Variants in AVP observed in about 807,000 individuals in gnomAD.
The protein encoded by AVP is arginine vasopressin.
A neutral mutation model predicts 11.1 loss-of-function variants in AVP; 9 were observed. That is an observed-to-expected ratio of 0.81 (90% CI 0.49 to 1.42). The LOEUF (loss-of-function observed/expected upper bound fraction) is 1.42. AVP is among the 40% of genes most tolerant of loss of function. AVP has a pLI of 0.00. For synonymous variants in AVP, 106 were observed against 111.3 expected (o/e 0.95, Z 0.30); for missense variants, 206 against 238.5 (o/e 0.86, Z 0.90).
chr20:3,083,253 G>A lies in AVP; in HGVS notation c.121-75C>T. On this transcript the variant is annotated intron_variant, in intron 1 of 2. Coordinates refer to ENST00000380293, the MANE Select transcript of AVP (RefSeq NM_000490.5). The surrounding 1 kb of genome is among the most constrained non-coding windows in gnomAD (Gnocchi z 5.4). ...GGTTGGAGGGGAACGCAGCGAGGCG[G>A]GGATGCTGGGGTCCAGGGCTCGGAG... 1.5e-6 allele frequency: 2 copies of A among 1,340,642 alleles called. No homozygotes were observed. The highest frequency in any genetic ancestry group is 3.4e-5 in the South Asian group (2 of 59,096). 83.0% of individuals were successfully genotyped at this position (1,340,642 alleles called of 1,614,324 possible).
In AVP at chr20:3,083,751, C is replaced by G. The variant is rs112625463; in HGVS notation, c.121-573G>C. Reference sequence around the variant, plus strand: ...CACCTATGACCTATCAGGTGGGTGGCAGGGGCCTGAGACCTAGAGGCGAGC... The same window carrying G: ...CACCTATGACCTATCAGGTGGGTGGGAGGGGCCTGAGACCTAGAGGCGAGC... On this transcript the variant is annotated intron_variant, in intron 1 of 2. Coordinates refer to ENST00000380293, the MANE Select transcript of AVP (RefSeq NM_000490.5). The surrounding 1 kb of genome is among the most constrained non-coding windows in gnomAD (Gnocchi z 5.4). Among the ~76,000 whole-genome samples the G allele has an allele frequency of 0.071, 10,861 of 152,216 alleles. 1,351 individuals are homozygous for G. Among genetic ancestry groups the G allele is most frequent in the African/African-American group, 0.25 (10,281 of 41,476 alleles).
In AVP at chr20:3,083,493, G is replaced by A. The variant is rs1347161723; in HGVS notation, c.121-315C>T. The stretch of plus-strand genomic sequence containing the variant: ...TTCCTCGAGCCTCGGGGTCATCGCT[G>A]GTGGGCGCCACTGTTGCAGCTGCCC... On this transcript the variant is annotated intron_variant, in intron 1 of 2. Coordinates refer to ENST00000380293, the MANE Select transcript of AVP (RefSeq NM_000490.5). The surrounding 1 kb of genome is among the most constrained non-coding windows in gnomAD (Gnocchi z 5.4). 1.3e-5 allele frequency among the ~76,000 whole-genome samples: 2 copies of A among 152,130 alleles called. No individual in the cohort carries two copies. The highest frequency in any genetic ancestry group is 4.8e-5 in the African/African-American group (2 of 41,422).
Position 3,082,784 on chromosome 20 carries a change from G to T in AVP, c.341C>A (p.Pro114His), listed in dbSNP as rs1166083500. 4 of 1,255,580 alleles carry T rather than the reference G, an allele frequency of 3.2e-6. No individual in the cohort carries two copies. The allele number at this position is 1,255,580 out of a possible 1,614,324, so 77.8% of individuals were successfully genotyped here. Residue 114 changes from proline (P) to histidine (H), a missense_variant, in exon 3 of 3, where the codon CCC (proline) becomes CAC (histidine). By Grantham distance (77) the Pro-to-His change is moderately conservative. This residue lies in a region of AVP where 106 missense variants were observed against 89.2 expected (regional missense o/e 1.19). Coordinates refer to ENST00000380293, the MANE Select transcript of AVP (RefSeq NM_000490.5). This position sits in a 1 kb window ranked among gnomAD's most constrained non-coding sequence, Gnocchi z 4.7. ...GCGGTGAAAGCCCTCGCGGCACTCG[G>T]GCTCGGTCACGCAGCTCTCTGCCGG... ...CCNDESCVTEPECREGFHRRA... is the reference protein window; with the variant it reads ...CCNDESCVTEHECREGFHRRA...
At position 3,083,884 on chromosome 20, in the gene AVP, C is replaced by CTCAACA. The variant is rs2066124503; in HGVS notation, c.120+670_120+671insTGTTGA. On this transcript the variant is annotated intron_variant, in intron 1 of 2. Transcript: ENST00000380293. The surrounding 1 kb of genome is among the most constrained non-coding windows in gnomAD (Gnocchi z 5.4). Reference sequence around the variant, plus strand: ...ATCTGCTCAACAGCCGGTTCTCTGGCGCAATGGATAGCGCATTAGACTTTT... The same window carrying CTCAACA: ...ATCTGCTCAACAGCCGGTTCTCTGGCTCAACAGCAATGGATAGCGCATTAGACTTTT... 6.6e-6 allele frequency among the ~76,000 whole-genome samples: 1 copy of CTCAACA among 152,222 alleles called. No individual in the cohort carries two copies. The highest frequency in any genetic ancestry group is 2.4e-5 in the African/African-American group (1 of 41,460).
In AVP at chr20:3,084,585, C is replaced by G; in HGVS notation, c.90G>C (p.Lys30Asn). ...CYFQNCPRGGKRAMSDLELRQ... is the reference protein window; with the variant it reads ...CYFQNCPRGGNRAMSDLELRQ... ...TCAGCTCCAGGTCGGACATGGCCCT[C>G]TTGCCGCCCCTCGGGCAGTTCTGGA... The change falls in exon 1 of 3, where the codon AAG becomes AAC. Residue 30 changes from lysine to asparagine, a missense_variant. This residue lies in a region of AVP where 100 missense variants were observed against 149.3 expected (regional missense o/e 0.67). Transcript: ENST00000380293. The G allele has an allele frequency of 6.2e-7, 1 of 1,613,998 alleles. No individual in the cohort carries two copies. Among genetic ancestry groups the G allele is most frequent in the Non-Finnish European group, 8.5e-7 (1 of 1,180,044 alleles).
At position 3,083,639 on chromosome 20, in the gene AVP, C is replaced by T. The variant is rs902740106; in HGVS notation, c.121-461G>A. Reference sequence around the variant, plus strand: ...GCCCTACCCATCCAGAACCCCGGCCCTTCCCATTTCCTGTCTCCTCTCTTG... The same window carrying T: ...GCCCTACCCATCCAGAACCCCGGCCTTTCCCATTTCCTGTCTCCTCTCTTG... On this transcript the variant is annotated intron_variant, in intron 1 of 2. Transcript: ENST00000380293. This position sits in a 1 kb window ranked among gnomAD's most constrained non-coding sequence, Gnocchi z 5.4. Among the ~76,000 whole-genome samples the T allele has an allele frequency of 7.2e-5, 11 of 152,210 alleles. No homozygotes were observed. The highest frequency in any genetic ancestry group is 1.3e-4 in the Non-Finnish European group (9 of 68,036).
chr20:3,083,093 G>T lies in AVP; in HGVS notation c.206C>A (p.Thr69Lys). 1 of 1,558,334 alleles carries T rather than the reference G, an allele frequency of 6.4e-7. No individual in the cohort carries two copies. Among genetic ancestry groups the T allele is most frequent in the Non-Finnish European group, 8.6e-7 (1 of 1,162,432 alleles). The change falls in exon 2 of 3, where the codon ACG becomes AAG. Residue 69 changes from threonine (T) to lysine (K), a missense_variant. Thr to Lys is a moderately conservative substitution (Grantham distance 78, BLOSUM62 -1). This residue lies in a region of AVP where 100 missense variants were observed against 149.3 expected (regional missense o/e 0.67). Coordinates refer to ENST00000380293, the MANE Select transcript of AVP (RefSeq NM_000490.5). This position sits in a 1 kb window ranked among gnomAD's most constrained non-coding sequence, Gnocchi z 5.4. ...CTCCTGGCAGCGCAGCGCCTCAGCC[G>T]TGCCCACGAAGCAGCCCAGCTCGTC... ...CADELGCFVG[T>K]AEALRCQEEN...
Position 3,082,946 on chromosome 20 carries a change from C to T in AVP, c.322+31G>A. 1 of 1,342,642 alleles carries T rather than the reference C, an allele frequency of 7.4e-7. No individual in the cohort carries two copies. Among genetic ancestry groups the T allele is most frequent in the Non-Finnish European group, 9.5e-7 (1 of 1,047,722 alleles). 83.2% of individuals were successfully genotyped at this position (1,342,642 alleles called of 1,614,324 possible). ...CCCCCACCCAAGCGGTCTGCGCCCC[C>T]CCCAGCCCCAGGCCCGCCCCCGCCG... is the stretch of plus-strand genomic sequence containing the variant. On this transcript the variant is annotated intron_variant, in intron 2 of 2. Transcript: ENST00000380293. The surrounding 1 kb of genome is among the most constrained non-coding windows in gnomAD (Gnocchi z 4.7).
At chr20:3,084,517 GC>G (rs767996662) in intron 1 of AVP, 37 bp downstream of exon 1, 1 of 1,612,928 alleles carries the variant, frequency 6.2e-7, no homozygotes, top group South Asian at 1.1e-5. Context: ...AGCACTGCCC[GC>G]TATGGCAGCC....
Position 3,082,715 on chromosome 20 carries a change from C to G in AVP, c.410G>C (p.Gly137Ala). Residue 137 changes from glycine (G) to alanine (A), a missense_variant, in exon 3 of 3, where the codon GGG (glycine) becomes GCG (alanine). This residue lies in a region of AVP where 106 missense variants were observed against 89.2 expected (regional missense o/e 1.19). Transcript: ENST00000380293. The surrounding 1 kb of genome is among the most constrained non-coding windows in gnomAD (Gnocchi z 4.7). The part of the protein sequence containing the change: ...SDRSNATQLD[G>A]PAGALLLRLV... Reference sequence around the variant, plus strand: ...CCGCAGCAGCAAGGCCCCGGCCGGCCCGTCCAGCTGCGTGGCGTTGCTCCG... The same window carrying G: ...CCGCAGCAGCAAGGCCCCGGCCGGCGCGTCCAGCTGCGTGGCGTTGCTCCG... 7 of 1,290,366 alleles carry G rather than the reference C, an allele frequency of 5.4e-6. No homozygotes were observed. The highest frequency in any genetic ancestry group is 6.8e-6 in the Non-Finnish European group (7 of 1,022,342). The allele number at this position is 1,290,366 out of a possible 1,614,324, so 79.9% of individuals were successfully genotyped here.
rs780956421 is a variant in AVP, at chr20:3,084,538, C to G, written c.120+17G>C. On this transcript the variant is annotated intron_variant, in intron 1 of 2. Transcript: ENST00000380293. ...GCCCGCTATGGCAGCCCTGAGATGGCCCACAGTGGGAAGTACCTGTCTCAG... is the reference window on the plus strand; with the variant it reads ...GCCCGCTATGGCAGCCCTGAGATGGGCCACAGTGGGAAGTACCTGTCTCAG... The G allele has an allele frequency of 6.2e-7, 1 of 1,613,534 alleles. No homozygotes were observed. Among genetic ancestry groups the G allele is most frequent in the Non-Finnish European group, 8.5e-7 (1 of 1,180,042 alleles).
Position 3,083,171 on chromosome 20 carries a change from G to A in AVP, c.128C>T (p.Pro43Leu), listed in dbSNP as rs1222557940. 4.0e-6 allele frequency: 6 copies of A among 1,493,864 alleles called. No homozygotes were observed. The highest frequency in any genetic ancestry group is 2.8e-5 in the East Asian group (1 of 35,612). The allele number at this position is 1,493,864 out of a possible 1,614,324, so 92.5% of individuals were successfully genotyped here. Residue 43 changes from proline to leucine, a missense_variant, in exon 2 of 3, where the codon CCC becomes CTC. Physicochemically the swap from Pro to Leu is moderately conservative, Grantham distance 98. This residue lies in a region of AVP where 100 missense variants were observed against 149.3 expected (regional missense o/e 0.67). Coordinates refer to ENST00000380293, the MANE Select transcript of AVP (RefSeq NM_000490.5). This position sits in a 1 kb window ranked among gnomAD's most constrained non-coding sequence, Gnocchi z 5.4. ...MSDLELRQCL[P>L]CGPGGKGRCF... ...GCGGCCTTTGCCCCCGGGGCCGCAG[G>A]GGAGGCACTGCGGGGACGGGCGGGG...
In AVP at chr20:3,082,666, GGGCGCCCC is replaced by G; in HGVS notation, c.451_458del (p.Gly151ArgfsTer32). Reference sequence around the variant, plus strand: ...CGGGCTGGGCGGGCTCGAAGGGCTCGGGCGCCCCGGCCAGCTGCACCAGCCGCAGCAGC... The same window carrying G: ...CGGGCTGGGCGGGCTCGAAGGGCTCGGGCCAGCTGCACCAGCCGCAGCAGC... On this transcript the variant is annotated frameshift_variant, in exon 3 of 3. Coordinates refer to ENST00000380293, the MANE Select transcript of AVP (RefSeq NM_000490.5). LOFTEE classifies it high-confidence loss of function. This position sits in a 1 kb window ranked among gnomAD's most constrained non-coding sequence, Gnocchi z 4.7. 1 of 1,283,984 alleles carries G rather than the reference GGGCGCCCC, an allele frequency of 7.8e-7. No homozygotes were observed. The highest frequency in any genetic ancestry group is 2.6e-5 in the South Asian group (1 of 38,360). 79.5% of individuals were successfully genotyped at this position (1,283,984 alleles called of 1,614,324 possible).
Position 3,082,713 on chromosome 20 carries a change from G to A in AVP, c.412C>T (p.Pro138Ser). Residue 138 changes from proline (P) to serine (S), a missense_variant, in exon 3 of 3, where the codon CCG becomes TCG. Around this residue, in one of 2 missense-constraint regions of AVP, gnomAD observed 106 missense variants for 89.2 expected, o/e 1.19. Transcript: ENST00000380293. The surrounding 1 kb of genome is among the most constrained non-coding windows in gnomAD (Gnocchi z 4.7). Reference sequence around the variant, plus strand: ...AGCCGCAGCAGCAAGGCCCCGGCCGGCCCGTCCAGCTGCGTGGCGTTGCTC... The same window carrying A: ...AGCCGCAGCAGCAAGGCCCCGGCCGACCCGTCCAGCTGCGTGGCGTTGCTC... ...DRSNATQLDG[P>S]AGALLLRLVQ... The A allele has an allele frequency of 3.9e-6, 5 of 1,290,316 alleles. No individual in the cohort carries two copies. Among genetic ancestry groups the A allele is most frequent in the Non-Finnish European group, 4.9e-6 (5 of 1,022,230 alleles). The allele number at this position is 1,290,316 out of a possible 1,614,324, so 79.9% of individuals were successfully genotyped here.
chr20:3,084,440 C>G (rs2066127219), intron 1 of AVP, 115 bp downstream of exon 1: 10 of 1,566,730 alleles, frequency 6.4e-6, no homozygotes, highest in Non-Finnish European at 6.9e-6. Flanking sequence ...CTTCCTCCCC[C>G]GAACTTCCCC....
intron 1 of AVP, 56 bp downstream of exon 1, chr20:3,084,499 A>G (rs2148571731): frequency 6.2e-7 from 1 of 1,611,426 alleles, no homozygotes; most frequent in African/African-American, 1.3e-5. Flanking sequence ...CCCCTGACCC[A>G]GGGTGTCAGC....
chr20:3,083,317 C>G lies in AVP; in HGVS notation c.121-139G>C. 1.0e-6 allele frequency: 1 copy of G among 979,410 alleles called. No homozygotes were observed. Among genetic ancestry groups the G allele is most frequent in the East Asian group, 3.3e-5 (1 of 30,352 alleles). 60.7% of individuals were successfully genotyped at this position (979,410 alleles called of 1,614,324 possible). On this transcript the variant is annotated intron_variant, in intron 1 of 2. Coordinates refer to ENST00000380293, the MANE Select transcript of AVP (RefSeq NM_000490.5). This position sits in a 1 kb window ranked among gnomAD's most constrained non-coding sequence, Gnocchi z 5.4. ...CCGGGGCTGCGGCTGCAGGCACGCT[C>G]GGGCGCCACTGGGCCTCGACCGCGG...
Position 3,082,786 on chromosome 20 carries a change from C to A in AVP, c.339G>T (p.Glu113Asp). Residue 113 changes from glutamate to aspartate, a missense_variant, in exon 3 of 3, where the codon GAG becomes GAT. Coordinates refer to ENST00000380293, the MANE Select transcript of AVP (RefSeq NM_000490.5). This position sits in a 1 kb window ranked among gnomAD's most constrained non-coding sequence, Gnocchi z 4.7. ...VCCNDESCVT[E>D]PECREGFHRR... Reference sequence around the variant, plus strand: ...GGTGAAAGCCCTCGCGGCACTCGGGCTCGGTCACGCAGCTCTCTGCCGGGA... The same window carrying A: ...GGTGAAAGCCCTCGCGGCACTCGGGATCGGTCACGCAGCTCTCTGCCGGGA... The A allele has an allele frequency of 8.0e-7, 1 of 1,254,652 alleles. No homozygotes were observed. The highest frequency in any genetic ancestry group is 1.0e-6 in the Non-Finnish European group (1 of 1,002,238). 77.7% of individuals were successfully genotyped at this position (1,254,652 alleles called of 1,614,324 possible). A position where few individuals can be genotyped will look rare whatever the true frequency, so the allele number is the denominator to read the frequency against.
At position 3,082,588 on chromosome 20, in the gene AVP, GGGGC is replaced by G; in HGVS notation, c.*38_*41del. 8.1e-7 allele frequency: 1 copy of G among 1,241,740 alleles called. No homozygotes were observed. The highest frequency in any genetic ancestry group is 1.0e-6 in the Non-Finnish European group (1 of 993,352). 76.9% of individuals were successfully genotyped at this position (1,241,740 alleles called of 1,614,324 possible). On this transcript the variant is annotated 3_prime_UTR_variant, in exon 3 of 3. Coordinates refer to ENST00000380293, the MANE Select transcript of AVP (RefSeq NM_000490.5). The surrounding 1 kb of genome is among the most constrained non-coding windows in gnomAD (Gnocchi z 4.7). Reference sequence around the variant, plus strand: ...GCGGAGGTTTATTGTCCGTGCTGCAGGGGCGGGCGCGAAGAGCGCGCCGGTGGGG... The same window carrying G: ...GCGGAGGTTTATTGTCCGTGCTGCAGGGGCGCGAAGAGCGCGCCGGTGGGG...
Sources: gnomAD v4.1 joint callset for allele counts (sites outside exome capture counted in the v4.1 genomes callset) on GRCh38, gnomAD v4.1.1 for gene constraint, gnomAD v4.1.1 regional missense constraint, Gnocchi (gnomAD v3.1) non-coding constraint, MANE v1.5 for transcripts, NCBI Gene and HGNC (gene_info 2026-07-23, HGNC 2026-07-21) for gene names.